The following KMT2C variants were observed in gnomAD, a reference collection of about 807,000 sequenced individuals.
The protein encoded by KMT2C is histone-lysine N-methyltransferase 2C.
KMT2C carries 88 observed loss-of-function variants against 507.9 expected under a neutral mutation model. The observed-to-expected ratio is 0.17, with a 90% CI of 0.15 to 0.21. KMT2C has a LOEUF of 0.21. Among genes scored for constraint, KMT2C ranks in the 10% least tolerant of loss-of-function variants. KMT2C has a pLI of 1.00. For synonymous variants in KMT2C, 2,049 were observed against 2,080.8 expected (o/e 0.98, Z 0.42); for missense variants, 4,954 against 5,957.8 (o/e 0.83, Z 5.55).
At position 152,390,671 on chromosome 7, in the gene KMT2C, T is replaced by C. The variant is rs150678751; in HGVS notation, c.162-31996A>G. 2.0e-5 allele frequency among the ~76,000 whole-genome samples: 3 copies of C among 152,220 alleles called. No individual in the cohort carries two copies. In the East Asian group the frequency reaches 5.8e-4, roughly 29 times the overall value. On this transcript the variant is annotated intron_variant, in intron 1 of 58. Transcript: ENST00000262189. ...CAAACAGATTAAATGGTCAAGGTCA[T>C]ACAACTAAGAAATGAAAGTGCTGAG...
At chr7:152,349,913 C>G (rs2097096504) in intron 2 of KMT2C, among the ~76,000 whole-genome samples, 1 of 152,058 alleles carries the variant, frequency 6.6e-6, no homozygotes, top group Non-Finnish European at 1.5e-5. Flanking sequence ...ATTTCAGTAC[C>G]TTCCTCACAA....
intron 3 of KMT2C, among the ~76,000 whole-genome samples, chr7:152,321,466 G>C (rs1252119588): frequency 2.0e-5 from 3 of 151,718 alleles, no homozygotes; most frequent in Non-Finnish European, 4.4e-5. Flanking sequence ...CAGTAGGAAA[G>C]GAAGAAGTGA....
At chr7:152,389,761 T>G (rs1332818005) in intron 1 of KMT2C, among the ~76,000 whole-genome samples, 1 of 152,132 alleles carries the variant, frequency 6.6e-6, no homozygotes, top group African/African-American at 2.4e-5. Context: ...TTTTTTAAAC[T>G]AGCAGGGGTT....
chr7:152,336,137 T>G (rs1053841789), intron 2 of KMT2C, among the ~76,000 whole-genome samples: 1 of 152,160 alleles, frequency 6.6e-6, no homozygotes, highest in Admixed American at 6.6e-5. Context: ...CAGTCTTGTG[T>G]TCTTTAACAA....
chr7:152,141,954 C>G (rs765085588), intron 55 of KMT2C, among the ~76,000 whole-genome samples: 1 of 147,034 alleles, frequency 6.8e-6, no homozygotes, highest in African/African-American at 2.5e-5. Flanking sequence ...CCCAGGAGAT[C>G]GAAGCTGCAG....
intron 1 of KMT2C, chr7:152,367,595 G>T: frequency 1.5e-6 from 2 of 1,292,970 alleles, no homozygotes; most frequent in Non-Finnish European, 2.2e-6. Context: ...GAGTATCCAG[G>T]TCCTTCTCAT....
intron 31 of KMT2C, among the ~76,000 whole-genome samples, chr7:152,190,350 T>A (rs1179349737): frequency 6.6e-6 from 1 of 152,232 alleles, no homozygotes; most frequent in Admixed American, 6.5e-5. Context: ...AATCTTGTAA[T>A]AATCTACAAT....
intron 55 of KMT2C, among the ~76,000 whole-genome samples, chr7:152,140,891 G>A (rs1417334985): frequency 6.6e-6 from 1 of 152,234 alleles, no homozygotes; most frequent in East Asian, 1.9e-4. Flanking sequence ...CAAAAAGTAT[G>A]TATGGAGATC....
chr7:152,330,880 T>C (rs1483381606), intron 2 of KMT2C, 141 bp from the exon 3 acceptor site: 2 of 733,064 alleles, frequency 2.7e-6, no homozygotes, highest in East Asian at 2.6e-5. Context: ...GAAAAGTTCA[T>C]GCACGTAATT....
At chr7:152,183,907 A>C (rs1476827109) in intron 34 of KMT2C, among the ~76,000 whole-genome samples, 1 of 149,964 alleles carries the variant, frequency 6.7e-6, no homozygotes, top group Non-Finnish European at 1.5e-5. Context: ...AAAAAAAAGA[A>C]AAAGAAAAAG....
chr7:152,220,883 A>T, intron 22 of KMT2C, 148 bp from the exon 23 acceptor site: 1 of 629,908 alleles, frequency 1.6e-6, no homozygotes, highest in South Asian at 2.0e-5. Flanking sequence ...AATTAACTTC[A>T]TGATACCCAA....
chr7:152,387,781 T>C (rs2097445423), intron 1 of KMT2C, among the ~76,000 whole-genome samples: 1 of 152,138 alleles, frequency 6.6e-6, no homozygotes, highest in Non-Finnish European at 1.5e-5. Flanking sequence ...TAATTCCATT[T>C]GTTTTCAAAG....
At chr7:152,193,712 T>C (rs1434387707) in intron 31 of KMT2C, among the ~76,000 whole-genome samples, 1 of 152,034 alleles carries the variant, frequency 6.6e-6, no homozygotes, top group African/African-American at 2.4e-5. Context: ...CAAGTGCCTA[T>C]GTGGCAAATG....
chr7:152,261,844 G>C (rs1170382357), intron 9 of KMT2C, among the ~76,000 whole-genome samples: 1 of 151,954 alleles, frequency 6.6e-6, no homozygotes, highest in East Asian at 1.9e-4. Flanking sequence ...CCAATGATAA[G>C]TCATTCAGCA....
intron 1 of KMT2C, among the ~76,000 whole-genome samples, chr7:152,363,827 G>A (rs2097215379): frequency 6.6e-6 from 1 of 152,224 alleles, no homozygotes; most frequent in African/African-American, 2.4e-5. Flanking sequence ...CTGCACATGT[G>A]TGATGTGAAA....
At chr7:152,276,402 T>C (rs2096079842) in intron 6 of KMT2C, among the ~76,000 whole-genome samples, 2 of 152,104 alleles carry the variant, frequency 1.3e-5, no homozygotes, top group Non-Finnish European at 2.9e-5. Flanking sequence ...ATAAGTAATA[T>C]ATAATACATA....
At chr7:152,157,770 C>A (rs1242508446) in intron 44 of KMT2C, 3 of 1,268,804 alleles carry the variant, frequency 2.4e-6, no homozygotes, top group East Asian at 1.0e-4. Context: ...CCTTGTAGAT[C>A]AACTGAGAAT....
At chr7:152,301,397 T>A (rs1295783628) in intron 6 of KMT2C, among the ~76,000 whole-genome samples, 4 of 151,564 alleles carry the variant, frequency 2.6e-5, no homozygotes, top group African/African-American at 9.7e-5. Context: ...TAATCCCAGC[T>A]ACTTGGAAGG....
chr7:152,429,574 G>C (rs1216866868), intron 1 of KMT2C, among the ~76,000 whole-genome samples: 2 of 151,206 alleles, frequency 1.3e-5, no homozygotes, highest in East Asian at 3.9e-4. Context: ...AGGCTGGTGT[G>C]CAATAGCATG....
Sources: allele counts gnomAD v4.1 joint callset (sites outside exome capture counted in the v4.1 genomes callset), GRCh38; gene constraint gnomAD v4.1.1; transcripts MANE v1.5; gene names NCBI Gene and HGNC (gene_info 2026-07-23, HGNC 2026-07-21).